Variants in CHST11 observed in about 807,000 individuals in gnomAD.
CHST11 encodes carbohydrate sulfotransferase 11.
Under a neutral mutation model 30.4 loss-of-function variants are expected in CHST11, and 9 were observed. The ratio of observed to expected loss-of-function variants is 0.30; its 90% CI spans 0.18 to 0.52. The LOEUF (loss-of-function observed/expected upper bound fraction) is 0.52. CHST11 is among the 20% of genes least tolerant of loss of function. The pLI is 0.97. For synonymous variants in CHST11, 152 were observed against 187.8 expected (o/e 0.81, Z 1.56); for missense variants, 348 against 460.6 (o/e 0.76, Z 2.24).
chr12:104,540,701 C>T (rs1271897044), intron 1 of CHST11, among the ~76,000 whole-genome samples: 1 of 152,112 alleles, frequency 6.6e-6, no homozygotes, highest in African/African-American at 2.4e-5. Context: ...GGTGAAACCG[C>T]AGGGTTCAGT....
At chr12:104,599,427 G>C (rs1048287621) in intron 1 of CHST11, among the ~76,000 whole-genome samples, 1 of 152,300 alleles carries the variant, frequency 6.6e-6, no homozygotes, top group Admixed American at 6.5e-5. Context: ...AATCTTGCCC[G>C]GCATGGGCAT....
At chr12:104,554,763 T>C (rs536166816) in intron 1 of CHST11, among the ~76,000 whole-genome samples, 2 of 152,342 alleles carry the variant, frequency 1.3e-5, no homozygotes, top group East Asian at 3.9e-4. Flanking sequence ...CAGGTGAAAA[T>C]GCCAGCACTA....
At chr12:104,532,933 A>C (rs1342555034) in intron 1 of CHST11, among the ~76,000 whole-genome samples, 1 of 152,090 alleles carries the variant, frequency 6.6e-6, no homozygotes, top group Non-Finnish European at 1.5e-5. Context: ...GTCACTGCCA[A>C]ATCTTTTTTC....
intron 2 of CHST11, among the ~76,000 whole-genome samples, chr12:104,636,418 C>A (rs1250216693): frequency 2.0e-5 from 3 of 152,214 alleles, no homozygotes; most frequent in African/African-American, 7.2e-5. Flanking sequence ...GTCTGTTCTC[C>A]ATGTTCTCTC....
At chr12:104,633,287 A>G (rs941585250) in intron 2 of CHST11, among the ~76,000 whole-genome samples, 1 of 152,168 alleles carries the variant, frequency 6.6e-6, no homozygotes, top group African/African-American at 2.4e-5. Flanking sequence ...CCTCCTATTA[A>G]GCAATTAAAA....
chr12:104,497,415 C>A (rs1014953623), intron 1 of CHST11, among the ~76,000 whole-genome samples: 2 of 152,316 alleles, frequency 1.3e-5, no homozygotes, highest in Non-Finnish European at 2.9e-5. Flanking sequence ...CAGGAGAAAC[C>A]AACCCTGCTT....
chr12:104,528,033 C>A (rs1182672711), intron 1 of CHST11, among the ~76,000 whole-genome samples: 2 of 152,178 alleles, frequency 1.3e-5, no homozygotes. Context: ...GTGGGGACTA[C>A]AAGTGGAGAT....
chr12:104,713,259 G>T (rs1461991972), intron 2 of CHST11, among the ~76,000 whole-genome samples: 1 of 152,042 alleles, frequency 6.6e-6, no homozygotes, highest in Non-Finnish European at 1.5e-5. Context: ...GATGTGGCTG[G>T]ACTGCATTTA....
At chr12:104,570,992 A>G (rs532635568) in intron 1 of CHST11, among the ~76,000 whole-genome samples, 1 of 152,150 alleles carries the variant, frequency 6.6e-6, no homozygotes, top group East Asian at 1.9e-4. Context: ...CACCCAGCGC[A>G]CTGTGCTTTT....
At chr12:104,592,073 A>G (rs1285245999) in intron 1 of CHST11, among the ~76,000 whole-genome samples, 1 of 151,402 alleles carries the variant, frequency 6.6e-6, no homozygotes, top group African/African-American at 2.4e-5. Flanking sequence ...TAATCTTTTA[A>G]TACCTGGCAC....
intron 2 of CHST11, among the ~76,000 whole-genome samples, chr12:104,646,656 G>A (rs1038026503): frequency 2.0e-5 from 3 of 152,034 alleles, no homozygotes; most frequent in South Asian, 2.1e-4. Flanking sequence ...CCGAGATTGC[G>A]CCACTGCACT....
rs146141010 is a variant in CHST11, at chr12:104,755,655, G to C, written c.205-1294G>C. On this transcript the variant is annotated intron_variant, in intron 2 of 2. Coordinates refer to ENST00000303694, the MANE Select transcript of CHST11 (RefSeq NM_018413.6). ...ACAAAAATCAGCAGGGCATGGTGAT[G>C]CGTGCCTGTAATCCCAGCTACTCGG... Among the ~76,000 whole-genome samples, 390 of 152,278 alleles carry C rather than the reference G, an allele frequency of 2.6e-3. 2 individuals carry two copies. The highest frequency in any genetic ancestry group is 8.3e-3 in the African/African-American group (345 of 41,542).
chr12:104,536,179 C>T (rs955295208), intron 1 of CHST11, among the ~76,000 whole-genome samples: 1 of 152,080 alleles, frequency 6.6e-6, no homozygotes. Context: ...GATGAGGGCT[C>T]GTAAAGGCTG....
At chr12:104,694,595 C>T (rs1163835735) in intron 2 of CHST11, among the ~76,000 whole-genome samples, 2 of 152,102 alleles carry the variant, frequency 1.3e-5, no homozygotes, top group East Asian at 1.9e-4. Context: ...TTTAACGAAG[C>T]GGGTGACTTC....
At chr12:104,620,672 C>T (rs942464523) in intron 2 of CHST11, among the ~76,000 whole-genome samples, 1 of 152,068 alleles carries the variant, frequency 6.6e-6, no homozygotes, top group Non-Finnish European at 1.5e-5. Context: ...CAGAGTAAAG[C>T]GTCATTTTTC....
chr12:104,705,405 A>G (rs1046351157), intron 2 of CHST11, among the ~76,000 whole-genome samples: 1 of 152,160 alleles, frequency 6.6e-6, no homozygotes, highest in Non-Finnish European at 1.5e-5. Flanking sequence ...AGGTATGTAA[A>G]GGGCTCAGCA....
chr12:104,666,055 T>A (rs1303071981), intron 2 of CHST11, among the ~76,000 whole-genome samples: 1 of 152,006 alleles, frequency 6.6e-6, no homozygotes, highest in Non-Finnish European at 1.5e-5. Flanking sequence ...CCCGACCTCA[T>A]GATTCGCCCG....
At chr12:104,668,733 G>A (rs1592828139) in intron 2 of CHST11, among the ~76,000 whole-genome samples, 1 of 152,288 alleles carries the variant, frequency 6.6e-6, no homozygotes, top group East Asian at 1.9e-4. Context: ...ATGGGTCATG[G>A]CGGAAGAGGG....
At chr12:104,711,810 G>A (rs1158042965) in intron 2 of CHST11, among the ~76,000 whole-genome samples, 1 of 152,188 alleles carries the variant, frequency 6.6e-6, no homozygotes, top group Non-Finnish European at 1.5e-5. Flanking sequence ...TCCACCTGGG[G>A]CTCAGGATTT....
Sources: allele counts gnomAD v4.1 joint callset (sites outside exome capture counted in the v4.1 genomes callset), GRCh38; gene constraint gnomAD v4.1.1; transcripts MANE v1.5; gene names NCBI Gene and HGNC (gene_info 2026-07-23, HGNC 2026-07-21).